PCDH11Y: variants seen among roughly 807,000 people sequenced by gnomAD.
PCDH11Y encodes the protein protocadherin 11 Y-linked.
For missense variants in PCDH11Y, 12 were observed against 224.8 expected (o/e 0.05, Z 6.05); for synonymous variants, 9 against 83.6 (o/e 0.11, Z 4.87).
At chrY:5,329,202 A>C in intron 2 of PCDH11Y, among the ~76,000 whole-genome samples, 5 of 32,389 alleles carry the variant, frequency 1.5e-4, no homozygotes, top group South Asian at 1.4e-3. Context: ...AATAGAGGCT[A>C]AGGGAGAAGA....
intron 2 of PCDH11Y, among the ~76,000 whole-genome samples, chrY:5,312,160 T>A: frequency 3.0e-5 from 1 of 33,054 alleles, no homozygotes. Context: ...CAGTGCTGGA[T>A]GAATGCCTCA....
At chrY:5,086,443 G>A in intron 1 of PCDH11Y, among the ~76,000 whole-genome samples, 5 of 31,821 alleles carry the variant, frequency 1.6e-4, no homozygotes, top group African/African-American at 2.5e-4. Flanking sequence ...CATTTGGTGC[G>A]ATCACGTTTT....
chrY:5,388,569 G>T (rs2053218579), intron 2 of PCDH11Y, among the ~76,000 whole-genome samples: 1 of 32,556 alleles, frequency 3.1e-5, no homozygotes. Context: ...CAGAGGGTCT[G>T]TGGATTCTCT....
intron 4 of PCDH11Y, among the ~76,000 whole-genome samples, chrY:5,721,341 C>A (rs2053594508): frequency 1.2e-4 from 4 of 32,726 alleles, no homozygotes; most frequent in Admixed American, 1.1e-3. Flanking sequence ...CTCCATGAGA[C>A]AAAAAAATAA....
At chrY:5,526,247 G>T in intron 3 of PCDH11Y, among the ~76,000 whole-genome samples, 1 of 31,296 alleles carries the variant, frequency 3.2e-5, no homozygotes, top group Non-Finnish European at 7.7e-5. Flanking sequence ...CTTTCAAAGG[G>T]TCTGTGAATT....
intron 1 of PCDH11Y, 82 bp downstream of exon 1, chrY:5,000,687 T>C (rs2052529092): frequency 4.0e-5 from 1 of 24,902 alleles, no homozygotes; most frequent in Non-Finnish European, 9.4e-5. Flanking sequence ...CACTGCCCGC[T>C]GCCTGCCCCT....
At chrY:5,612,610 A>T (rs2124701166) in intron 4 of PCDH11Y, among the ~76,000 whole-genome samples, 2 of 32,897 alleles carry the variant, frequency 6.1e-5, no homozygotes, top group Admixed American at 5.6e-4. Flanking sequence ...TGACTACAAT[A>T]AAGTACAATT....
intron 2 of PCDH11Y, among the ~76,000 whole-genome samples, chrY:5,243,009 C>G (rs369552148): frequency 0.01 from 339 of 33,490 alleles, no homozygotes; most frequent in Middle Eastern, 0.056. Flanking sequence ...AAAAATGCCA[C>G]TGCCTTGTTA....
intron 1 of PCDH11Y, among the ~76,000 whole-genome samples, chrY:5,082,114 C>G: frequency 3.0e-5 from 1 of 33,472 alleles, no homozygotes; most frequent in African/African-American, 1.2e-4. Flanking sequence ...TTTTCTGTGT[C>G]TATTTAGATA....
At chrY:5,076,673 T>G (rs2052709779) in intron 1 of PCDH11Y, among the ~76,000 whole-genome samples, 1 of 33,529 alleles carries the variant, frequency 3.0e-5, no homozygotes, top group African/African-American at 1.2e-4. Context: ...GAAGAGATTG[T>G]ATTTTCCCCA....
chrY:5,073,143 G>T, intron 1 of PCDH11Y, among the ~76,000 whole-genome samples: 5 of 33,388 alleles, frequency 1.5e-4, no homozygotes, highest in African/African-American at 5.9e-4. Flanking sequence ...TAGTCAGGTG[G>T]TCTGATCGTT....
At chrY:5,333,487 G>T (rs2053133158) in intron 2 of PCDH11Y, among the ~76,000 whole-genome samples, 1 of 33,610 alleles carries the variant, frequency 3.0e-5, no homozygotes, top group Admixed American at 2.7e-4. Context: ...AGTAAGACAG[G>T]GGGACTGCAA....
At chrY:5,338,489 G>C in intron 2 of PCDH11Y, 1 of 394,913 alleles carries the variant, frequency 2.5e-6, no homozygotes, top group Non-Finnish European at 3.6e-6. Context: ...CACACGGCTA[G>C]GGGTACCCAC....
At chrY:5,179,665 C>T (rs2124646773) in intron 2 of PCDH11Y, among the ~76,000 whole-genome samples, 2 of 33,750 alleles carry the variant, frequency 5.9e-5, no homozygotes, top group Admixed American at 2.7e-4. Flanking sequence ...GTAGCCATTG[C>T]TTTTGGCATT....
chrY:5,077,403 T>C, intron 1 of PCDH11Y, among the ~76,000 whole-genome samples: 2 of 27,123 alleles, frequency 7.4e-5, no homozygotes, highest in African/African-American at 2.9e-4. Context: ...TGGATAACCT[T>C]TATATCTTTC....
chrY:5,385,078 T>TTTTG (rs2053211127), intron 2 of PCDH11Y, among the ~76,000 whole-genome samples: 6 of 29,940 alleles, frequency 2.0e-4, no homozygotes, highest in African/African-American at 7.7e-4. Flanking sequence ...TTATTTATTT[T>TTTTG]TTTGTTTGTT....
At chrY:5,333,704 C>T (rs2053133404) in intron 2 of PCDH11Y, among the ~76,000 whole-genome samples, 2 of 32,578 alleles carry the variant, frequency 6.1e-5, no homozygotes, top group East Asian at 8.2e-4. Flanking sequence ...GCCTGGCTAA[C>T]GTGGTGAAAC....
chrY:5,185,079 TTTG>T (rs2052904974), intron 2 of PCDH11Y, among the ~76,000 whole-genome samples: 1 of 32,285 alleles, frequency 3.1e-5, no homozygotes, highest in Non-Finnish European at 7.6e-5. Context: ...ACTTTGTTTG[TTTG>T]TTGTTGTTGT....
At chrY:5,341,812 C>T (rs2053145542) in intron 2 of PCDH11Y, among the ~76,000 whole-genome samples, 4 of 30,765 alleles carry the variant, frequency 1.3e-4, no homozygotes, top group East Asian at 8.7e-4. Context: ...AAAAATTAGC[C>T]GAGCGTGGTG....
Sources: allele counts gnomAD v4.1 joint callset (sites outside exome capture counted in the v4.1 genomes callset), GRCh38; gene constraint gnomAD v4.1.1; transcripts MANE v1.5; gene names NCBI Gene and HGNC (gene_info 2026-07-23, HGNC 2026-07-21).